Variants in PLCB1 observed in about 807,000 individuals in gnomAD.
PLCB1 encodes 1-phosphatidylinositol 4,5-bisphosphate phosphodiesterase beta-1.
A neutral mutation model predicts 161.8 loss-of-function variants in PLCB1; 46 were observed. The observed-to-expected ratio is 0.28, with a 90% CI of 0.22 to 0.36. The LOEUF (loss-of-function observed/expected upper bound fraction) is 0.36. Among genes scored for constraint, PLCB1 ranks in the 10% least tolerant of loss-of-function variants. The pLI, the probability that PLCB1 is intolerant of heterozygous loss-of-function variation, is 1.00. For missense variants in PLCB1, 1,016 were observed against 1,472.5 expected (o/e 0.69, Z 5.07); for synonymous variants, 517 against 503.7 (o/e 1.03, Z -0.35).
intron 2 of PLCB1, among the ~76,000 whole-genome samples, chr20:8,152,792 T>A (rs1186891376): frequency 2.0e-5 from 3 of 152,154 alleles, no homozygotes; most frequent in African/African-American, 7.2e-5. Flanking sequence ...ACGAAGCTTA[T>A]ACCAAAGCAC....
At chr20:8,333,383 G>A (rs764670378) in intron 2 of PLCB1, among the ~76,000 whole-genome samples, 5 of 152,200 alleles carry the variant, frequency 3.3e-5, no homozygotes, top group Non-Finnish European at 7.3e-5. Context: ...TTCCATGAAT[G>A]TCCAGCTTTT....
At chr20:8,397,914 AT>A (rs140548542) in intron 3 of PLCB1, among the ~76,000 whole-genome samples, 3,256 of 150,034 alleles carry the variant, frequency 0.022, 91 homozygotes, top group African/African-American at 0.067. Context: ...TAAGGCTACA[AT>A]TTTTTTTTTA....
intron 11 of PLCB1, among the ~76,000 whole-genome samples, chr20:8,701,300 G>A (rs1258509151): frequency 2.6e-5 from 4 of 152,156 alleles, no homozygotes; most frequent in African/African-American, 9.7e-5. Context: ...TGACCTTGCT[G>A]TTCATGGGCT....
intron 1 of PLCB1, among the ~76,000 whole-genome samples, chr20:8,135,515 A>G (rs2122998562): frequency 6.6e-6 from 1 of 152,246 alleles, no homozygotes; most frequent in South Asian, 2.1e-4. Context: ...CAATCACAAC[A>G]GACAGCAGGG....
At chr20:8,395,893 A>G (rs1987757259) in intron 3 of PLCB1, among the ~76,000 whole-genome samples, 1 of 152,038 alleles carries the variant, frequency 6.6e-6, no homozygotes, top group African/African-American at 2.4e-5. Context: ...TTCTCTGTAA[A>G]TATATTTTCC....
intron 31 of PLCB1, among the ~76,000 whole-genome samples, chr20:8,811,553 G>A (rs1429782428): frequency 1.3e-5 from 2 of 152,136 alleles, no homozygotes; most frequent in African/African-American, 4.8e-5. Flanking sequence ...ATGGTTGGCA[G>A]AGTGGTTTTT....
chr20:8,855,262 T>C (rs1987031971), intron 31 of PLCB1, among the ~76,000 whole-genome samples: 1 of 152,050 alleles, frequency 6.6e-6, no homozygotes, highest in African/African-American at 2.4e-5. Context: ...TCTCACAAGA[T>C]AAAAGAACAC....
chr20:8,358,744 T>A (rs1480818523), intron 2 of PLCB1, among the ~76,000 whole-genome samples: 1 of 152,252 alleles, frequency 6.6e-6, no homozygotes, highest in African/African-American at 2.4e-5. Flanking sequence ...GTCTTCAGGG[T>A]GCAATTGTAT....
At chr20:8,703,944 A>G (rs554706014) in intron 11 of PLCB1, among the ~76,000 whole-genome samples, 2 of 152,228 alleles carry the variant, frequency 1.3e-5, no homozygotes, top group Non-Finnish European at 2.9e-5. Context: ...ACCCACCTTC[A>G]GATTTGACTC....
rs372122657 is a variant in PLCB1, at chr20:8,292,553, T to A, written c.178-78829T>A. Among the ~76,000 whole-genome samples the A allele has an allele frequency of 1.3e-4, 20 of 152,246 alleles. No homozygotes were observed. The East Asian group carries it at 2.1e-3, about 16-fold the overall frequency. On this transcript the variant is annotated intron_variant, in intron 2 of 31. Transcript: ENST00000338037. ...CTTATAGGTTCAGTGTGAGGACTAA[T>A]TCCCATGAAGCTCTTTGAAGGGTGC...
At chr20:8,733,825 T>TAAA (rs869080331) in intron 19 of PLCB1, among the ~76,000 whole-genome samples, 2 of 134,456 alleles carry the variant, frequency 1.5e-5, no homozygotes, top group South Asian at 2.4e-4. Context: ...ATAATAATAA[T>TAAA]AAAAGTTTTG....
chr20:8,770,562 T>G (rs1356892502), intron 26 of PLCB1, among the ~76,000 whole-genome samples: 1 of 152,166 alleles, frequency 6.6e-6, no homozygotes, highest in African/African-American at 2.4e-5. Flanking sequence ...TTCAGAGCAG[T>G]TTGTTTTTAT....
intron 2 of PLCB1, among the ~76,000 whole-genome samples, chr20:8,166,648 G>A (rs1425036797): frequency 6.6e-6 from 1 of 151,988 alleles, no homozygotes; most frequent in Admixed American, 6.6e-5. Flanking sequence ...ATCCTGACCT[G>A]GTCCTGGTGC....
chr20:8,586,716 C>A (rs1430426396), intron 3 of PLCB1, among the ~76,000 whole-genome samples: 2 of 152,142 alleles, frequency 1.3e-5, no homozygotes, highest in African/African-American at 4.8e-5. Flanking sequence ...TCTGCAAAAT[C>A]CATTTTGATG....
chr20:8,538,092 A>C (rs537588508), intron 3 of PLCB1, among the ~76,000 whole-genome samples: 23 of 152,340 alleles, frequency 1.5e-4, no homozygotes, highest in Admixed American at 1.0e-3. Context: ...TCCAAATGTA[A>C]GAATAAATGA....
intron 2 of PLCB1, among the ~76,000 whole-genome samples, chr20:8,155,422 T>G (rs1044138689): frequency 1.3e-5 from 2 of 152,178 alleles, no homozygotes; most frequent in Non-Finnish European, 2.9e-5. Flanking sequence ...ATGGCAACCA[T>G]AGATAGTCTT....
chr20:8,612,365 C>T (rs1376155207), intron 3 of PLCB1, among the ~76,000 whole-genome samples: 2 of 152,130 alleles, frequency 1.3e-5, no homozygotes, highest in African/African-American at 4.8e-5. Context: ...ACATAAAGAT[C>T]CACAAGTCAG....
intron 2 of PLCB1, among the ~76,000 whole-genome samples, chr20:8,286,238 C>T (rs1233476004): frequency 6.6e-6 from 1 of 152,128 alleles, no homozygotes; most frequent in Non-Finnish European, 1.5e-5. Context: ...GTAGGAGAAT[C>T]GCTTGAACCC....
At chr20:8,157,090 G>A (rs555901488) in intron 2 of PLCB1, among the ~76,000 whole-genome samples, 24 of 152,290 alleles carry the variant, frequency 1.6e-4, no homozygotes, top group African/African-American at 3.8e-4. Context: ...CAAATAAGAT[G>A]TTTATTTATG....
Sources: allele counts gnomAD v4.1 joint callset (sites outside exome capture counted in the v4.1 genomes callset), GRCh38; gene constraint gnomAD v4.1.1; transcripts MANE v1.5; gene names NCBI Gene and HGNC (gene_info 2026-07-23, HGNC 2026-07-21).